ITGBL1: variants seen among roughly 807,000 people sequenced by gnomAD.
ITGBL1 encodes integrin beta-like protein 1.
ITGBL1 carries 51 observed loss-of-function variants against 68.5 expected under a neutral mutation model. The ratio of observed to expected loss-of-function variants is 0.74; its 90% CI spans 0.59 to 0.94. ITGBL1 has a LOEUF of 0.94. ITGBL1 is among the 40% of genes least tolerant of loss of function. ITGBL1 has a pLI of 0.00. For synonymous variants in ITGBL1, 209 were observed against 227.3 expected, an observed-to-expected ratio of 0.92 and a Z score of 0.72; for missense variants, 649 against 647.4, an observed-to-expected ratio of 1.00 and a Z score of -0.03.
At chr13:101,511,130 A>G (rs566022076) in intron 2 of ITGBL1, among the ~76,000 whole-genome samples, 2 of 152,016 alleles carry the variant, frequency 1.3e-5, no homozygotes, top group Non-Finnish European at 2.9e-5. Context: ...TTATAGTTTG[A>G]GGTCTTACAT....
chr13:101,575,400 G>A, intron 3 of ITGBL1, 24 bp from the exon 4 acceptor site: 2 of 1,604,842 alleles, frequency 1.2e-6, no homozygotes, highest in Non-Finnish European at 1.7e-6. Flanking sequence ...GTAACAAACA[G>A]TCTTTTTTGT....
intron 2 of ITGBL1, among the ~76,000 whole-genome samples, chr13:101,467,967 G>C (rs2048406478): frequency 6.6e-6 from 1 of 152,076 alleles, no homozygotes; most frequent in South Asian, 2.1e-4. Context: ...TCATGACTTA[G>C]TCAATGGGGT....
intron 2 of ITGBL1, among the ~76,000 whole-genome samples, chr13:101,486,433 A>T (rs78591730): frequency 0.066 from 10,032 of 152,150 alleles, 500 homozygotes; most frequent in East Asian, 0.28. Context: ...CTCAGAAATC[A>T]CCACTAAAGA....
chr13:101,517,382 G>C (rs1365158967), intron 2 of ITGBL1, among the ~76,000 whole-genome samples: 1 of 152,120 alleles, frequency 6.6e-6, no homozygotes, highest in African/African-American at 2.4e-5. Context: ...ATTTAACTTA[G>C]AATACTGGTG....
intron 2 of ITGBL1, among the ~76,000 whole-genome samples, chr13:101,527,843 C>G (rs1241391352): frequency 1.3e-5 from 2 of 151,950 alleles, no homozygotes; most frequent in African/African-American, 4.8e-5. Context: ...AGTGAATGTT[C>G]AAATTTTATC....
intron 6 of ITGBL1, among the ~76,000 whole-genome samples, chr13:101,586,480 C>G (rs2050559743): frequency 6.6e-6 from 1 of 152,110 alleles, no homozygotes; most frequent in African/African-American, 2.4e-5. Context: ...TTGCTGAGTT[C>G]TTTTATAAAC....
chr13:101,719,233 T>C (rs183706239), downstream of ITGBL1: 5 of 152,242 alleles, frequency 3.3e-5, no homozygotes, highest in African/African-American at 9.6e-5. Flanking sequence ...AAATCTGATA[T>C]TGTTCATCCT....
Position 101,575,558 on chromosome 13 carries a change from G to T in ITGBL1, c.586+12G>T. On this transcript the variant is annotated intron_variant, in intron 4 of 10. Coordinates refer to ENST00000376180, the MANE Select transcript of ITGBL1 (RefSeq NM_004791.3). ...AGAAATATGTGGAGGTATGTATATTGGCTCTGTAGAAATTAATAAAAGTAC... is the reference window on the plus strand; with the variant it reads ...AGAAATATGTGGAGGTATGTATATTTGCTCTGTAGAAATTAATAAAAGTAC... The T allele has an allele frequency of 6.2e-7, 1 of 1,608,576 alleles. No individual in the cohort carries two copies. Among genetic ancestry groups the T allele is most frequent in the South Asian group, 1.1e-5 (1 of 90,214 alleles).
At chr13:101,692,424 T>C (rs1165388962) in intron 7 of ITGBL1, among the ~76,000 whole-genome samples, 161 bp from the exon 8 acceptor site, 3 of 152,188 alleles carry the variant, frequency 2.0e-5, no homozygotes, top group Non-Finnish European at 4.4e-5. Flanking sequence ...GAACTTCAGC[T>C]TACCTTAGGG....
At position 101,705,033 on chromosome 13, in the gene ITGBL1, G is replaced by A. The variant is rs575754835; in HGVS notation, c.1133-1723G>A. On this transcript the variant is annotated intron_variant, in intron 8 of 10. Transcript: ENST00000376180. ...GAGTGCATGTTAAAGGTATGGCAGCGACATTTTTCTTGCAGATTTAGTAGT... is the reference window on the plus strand; with the variant it reads ...GAGTGCATGTTAAAGGTATGGCAGCAACATTTTTCTTGCAGATTTAGTAGT... Among the ~76,000 whole-genome samples the A allele has an allele frequency of 2.8e-4, 43 of 152,166 alleles. 1 individual carries two copies. In the South Asian group the frequency reaches 3.1e-3, roughly 11 times the overall value.
At chr13:101,677,317 G>A (rs2033529526) in intron 7 of ITGBL1, among the ~76,000 whole-genome samples, 1 of 151,450 alleles carries the variant, frequency 6.6e-6, no homozygotes, top group Admixed American at 6.6e-5. Context: ...ATTTGTGAAA[G>A]GCTTTTACTC....
intron 7 of ITGBL1, among the ~76,000 whole-genome samples, chr13:101,629,237 G>C (rs563100166): frequency 9.2e-5 from 14 of 152,022 alleles, no homozygotes; most frequent in African/African-American, 3.4e-4. Context: ...TTATGATTTT[G>C]TTAATTTTTT....
rs1484247008 is a variant in ITGBL1, at chr13:101,604,869, T to C, written c.1015+6570T>C. ...CAATATATATATATATATATATATA[T>C]ATATATATATATATATATACACACA... On this transcript the variant is annotated intron_variant, in intron 7 of 10. Coordinates refer to ENST00000376180, the MANE Select transcript of ITGBL1 (RefSeq NM_004791.3). Among the ~76,000 whole-genome samples, 11 of 21,400 alleles carry C rather than the reference T, an allele frequency of 5.1e-4. 1 individual carries two copies. Among genetic ancestry groups the C allele is most frequent in the Non-Finnish European group, 1.2e-3 (11 of 8,928 alleles). The allele number at this position is 21,400 out of a possible 152,430, so 14.0% of individuals were successfully genotyped here. A position where few individuals can be genotyped will look rare whatever the true frequency, so the allele number is the denominator to read the frequency against.
intron 2 of ITGBL1, among the ~76,000 whole-genome samples, chr13:101,507,317 T>C (rs2049042429): frequency 6.6e-6 from 1 of 152,176 alleles, no homozygotes; most frequent in African/African-American, 2.4e-5. Flanking sequence ...AGAGTGGATA[T>C]CCAGAAAATA....
At chr13:101,668,925 A>G (rs1487730696) in intron 7 of ITGBL1, among the ~76,000 whole-genome samples, 1 of 152,142 alleles carries the variant, frequency 6.6e-6, no homozygotes, top group Non-Finnish European at 1.5e-5. Context: ...AATTTGTTCT[A>G]TGAGGAAGCA....
intron 2 of ITGBL1, among the ~76,000 whole-genome samples, chr13:101,506,632 A>G (rs1183179281): frequency 6.6e-6 from 1 of 152,176 alleles, no homozygotes; most frequent in Non-Finnish European, 1.5e-5. Flanking sequence ...ACACATTTCC[A>G]TATGAAGAGT....
chr13:101,524,129 A>ATTTT (rs36014394), intron 2 of ITGBL1, among the ~76,000 whole-genome samples: 13 of 145,254 alleles, frequency 8.9e-5, no homozygotes, highest in Admixed American at 8.2e-4. Context: ...TTTTTTTTTA[A>ATTTT]TTTTTTTTTT....
At chr13:101,671,437 G>GTTTTTTTTTTTTTTTTTT (rs1491455482) in intron 7 of ITGBL1, among the ~76,000 whole-genome samples, 17 of 102,840 alleles carry the variant, frequency 1.7e-4, no homozygotes, top group South Asian at 8.1e-4. Context: ...TTTTTTTTTT[G>GTTTTTTTTTTTTTTTTTT]TTTTTTTTTG....
At chr13:101,680,994 C>T (rs895879996) in intron 7 of ITGBL1, among the ~76,000 whole-genome samples, 10 of 152,086 alleles carry the variant, frequency 6.6e-5, no homozygotes, top group Admixed American at 2.6e-4. Context: ...CCTGTGTGCA[C>T]GTGCATTTTA....
Sources: allele counts gnomAD v4.1 joint callset (sites outside exome capture counted in the v4.1 genomes callset), GRCh38; gene constraint gnomAD v4.1.1; transcripts MANE v1.5; gene names NCBI Gene and HGNC (gene_info 2026-07-23, HGNC 2026-07-21).